KCNK10: variants seen among roughly 807,000 people sequenced by gnomAD.
The protein encoded by KCNK10 is potassium channel subfamily K member 10.
In KCNK10, 25 loss-of-function variants were observed where a neutral mutation model predicts 47.7. That is an observed-to-expected ratio of 0.52 (90% confidence interval 0.38 to 0.73). KCNK10 has a LOEUF of 0.73. Among genes scored for constraint, KCNK10 ranks in the 30% least tolerant of loss-of-function variants. The pLI is 0.00. For synonymous variants in KCNK10, 303 were observed against 285.6 expected, an observed-to-expected ratio of 1.06 and a Z score of -0.61; for missense variants, 563 against 714.5, an observed-to-expected ratio of 0.79 and a Z score of 2.42.
At chr14:88,230,834 A>G (rs1361359847) in intron 3 of KCNK10, among the ~76,000 whole-genome samples, 1 of 152,234 alleles carries the variant, frequency 6.6e-6, no homozygotes, top group Non-Finnish European at 1.5e-5. Context: ...CAGTCTTCTC[A>G]TAGATAAAAT....
At chr14:88,224,356 T>C (rs1030457403) in intron 4 of KCNK10, among the ~76,000 whole-genome samples, 2 of 152,198 alleles carry the variant, frequency 1.3e-5, no homozygotes, top group African/African-American at 2.4e-5. Flanking sequence ...AGCTGGCAAT[T>C]TGATCTCCAT....
intron 3 of KCNK10, among the ~76,000 whole-genome samples, chr14:88,228,927 G>A (rs1886071081): frequency 1.3e-5 from 2 of 152,092 alleles, no homozygotes. Context: ...TCAGGAACTT[G>A]GACAAAATCA....
At position 88,186,136 on chromosome 14, in the gene KCNK10, T is replaced by G. The variant is rs772008084; in HGVS notation, c.1031A>C (p.His344Pro). 6.3e-7 allele frequency: 1 copy of G among 1,591,428 alleles called. No individual in the cohort carries two copies. Among genetic ancestry groups the G allele is most frequent in the Non-Finnish European group, 8.6e-7 (1 of 1,168,578 alleles). Reference sequence around the variant, plus strand: ...GACATTGGCCTTCCACTCTGCCGCATGGGCCTTGATTTCACCCACCTGGCC... The same window carrying G: ...GACATTGGCCTTCCACTCTGCCGCAGGGGCCTTGATTTCACCCACCTGGCC... ...TKEEVGEIKA[H>P]AAEWKANVTA... Residue 344 changes from histidine to proline, a missense_variant, in exon 7 of 7, where the codon CAT (histidine) becomes CCT (proline). By Grantham distance (77) the His-to-Pro change is moderately conservative (BLOSUM62 -2). Coordinates refer to ENST00000319231, the MANE Select transcript of KCNK10 (RefSeq NM_138317.3). This position sits in a 1 kb window ranked among gnomAD's most constrained non-coding sequence, Gnocchi z 5.5.
At chr14:88,211,844 C>T (rs1326046406) in intron 4 of KCNK10, among the ~76,000 whole-genome samples, 2 of 147,984 alleles carry the variant, frequency 1.4e-5, no homozygotes, top group Middle Eastern at 3.6e-3. Context: ...TGCAGTGAGC[C>T]GAGATCGTGC....
intron 1 of KCNK10, among the ~76,000 whole-genome samples, chr14:88,318,383 G>A (rs1888472193): frequency 6.6e-6 from 1 of 152,204 alleles, no homozygotes; most frequent in East Asian, 1.9e-4. Context: ...TCATATGCTA[G>A]TAAAGGAGGC....
At chr14:88,229,876 ACTGCC>A (rs1234495861) in intron 3 of KCNK10, among the ~76,000 whole-genome samples, 14 of 152,166 alleles carry the variant, frequency 9.2e-5, no homozygotes, top group Admixed American at 2.0e-4. Flanking sequence ...CGCCTCTCTG[ACTGCC>A]CTGCTCATCC....
Position 88,227,502 on chromosome 14 carries a change from C to A in KCNK10, c.554G>T (p.Gly185Val). ...GGCATATAAAATACAAAAGATTTTG[C>A]CTCCTTCAGTGCTCGGAGCAATATT... ...YGNIAPSTEG[G>V]KIFCILYAIF... The change falls in exon 4 of 7, where the codon GGC becomes GTC. Residue 185 changes from glycine to valine, a missense_variant. Transcript: ENST00000319231. 1 of 1,612,198 alleles carries A rather than the reference C, an allele frequency of 6.2e-7. No individual in the cohort carries two copies. Among genetic ancestry groups the A allele is most frequent in the Non-Finnish European group, 8.5e-7 (1 of 1,179,354 alleles).
At chr14:88,204,702 A>G (rs963748431) in intron 4 of KCNK10, among the ~76,000 whole-genome samples, 1 of 151,948 alleles carries the variant, frequency 6.6e-6, no homozygotes, top group African/African-American at 2.4e-5. Flanking sequence ...ATACTGCTCC[A>G]TTTTATACTT....
Position 88,227,510 on chromosome 14 carries a change from A to G in KCNK10, c.546T>C (p.Thr182=), listed in dbSNP as rs1886025393. The G allele has an allele frequency of 1.2e-6, 2 of 1,611,298 alleles. No homozygotes were observed. Among genetic ancestry groups the G allele is most frequent in the Admixed American group, 1.7e-5 (1 of 59,476 alleles). Residue 182 remains threonine (T), a synonymous_variant, in exon 4 of 7, where the codon ACT becomes ACC. Coordinates refer to ENST00000319231, the MANE Select transcript of KCNK10 (RefSeq NM_138317.3). ...AAATACAAAAGATTTTGCCTCCTTC[A>G]GTGCTCGGAGCAATATTCCCATACC... ...TIGYGNIAPS[T]EGGKIFCILY...
intron 1 of KCNK10, among the ~76,000 whole-genome samples, chr14:88,290,078 C>G (rs771245080): frequency 2.0e-5 from 3 of 152,160 alleles, no homozygotes; most frequent in Non-Finnish European, 2.9e-5. Context: ...ATCCCTGGAA[C>G]CTGTGAGCAC....
intron 4 of KCNK10, among the ~76,000 whole-genome samples, chr14:88,215,388 C>G (rs1226022272): frequency 6.6e-6 from 1 of 152,106 alleles, no homozygotes; most frequent in East Asian, 1.9e-4. Flanking sequence ...CCTTATAAAA[C>G]CATCAGGTCT....
At chr14:88,241,381 G>A (rs956414412) in intron 2 of KCNK10, among the ~76,000 whole-genome samples, 4 of 152,228 alleles carry the variant, frequency 2.6e-5, no homozygotes, top group African/African-American at 9.6e-5. Flanking sequence ...CCACAGGGTT[G>A]TTGTGAGGAT....
At chr14:88,256,785 CT>C (rs1162842710) in intron 2 of KCNK10, among the ~76,000 whole-genome samples, 1 of 152,132 alleles carries the variant, frequency 6.6e-6, no homozygotes, top group Non-Finnish European at 1.5e-5. Flanking sequence ...TTTCTGGTTT[CT>C]TTTTTTCTTC....
intron 4 of KCNK10, among the ~76,000 whole-genome samples, chr14:88,219,605 T>C (rs1484929418): frequency 2.6e-5 from 4 of 152,242 alleles, no homozygotes; most frequent in South Asian, 2.1e-4. Flanking sequence ...TAGCAGTTAA[T>C]TGACATCTAT....
rs796086254 is a variant in KCNK10, at chr14:88,303,448, A to T, written c.52+19299T>A. ...AAGAATGTGAGGGGAGGAAGTAGTG[A>T]TGGTGACTTCAGACCACCCTTTCCA... is the stretch of plus-strand genomic sequence containing the variant. On this transcript the variant is annotated intron_variant, in intron 1 of 6. Transcript: ENST00000319231. Among the ~76,000 whole-genome samples, 12 of 152,244 alleles carry T rather than the reference A, an allele frequency of 7.9e-5. No individual in the cohort carries two copies. In the South Asian group the frequency reaches 2.5e-3, roughly 32 times the overall value.
intron 1 of KCNK10, among the ~76,000 whole-genome samples, chr14:88,263,974 C>T (rs1046480146): frequency 1.3e-5 from 2 of 152,178 alleles, no homozygotes; most frequent in African/African-American, 4.8e-5. Flanking sequence ...TAACCAACTA[C>T]TCTATCCAAG....
intron 1 of KCNK10, among the ~76,000 whole-genome samples, chr14:88,273,804 T>C (rs568138699): frequency 5.4e-4 from 83 of 152,340 alleles, no homozygotes; most frequent in Non-Finnish European, 1.0e-3. Context: ...ATATTCTGTC[T>C]CTTGCCCTAA....
upstream of KCNK10, among the ~76,000 whole-genome samples, chr14:88,325,888 G>T (rs143129829): frequency 2.0e-3 from 311 of 151,970 alleles, no homozygotes; most frequent in Admixed American, 3.5e-3. Context: ...GTTATTTGGG[G>T]CCCTGAGTAG....
chr14:88,301,492 G>A lies in KCNK10; in HGVS notation c.52+21255C>T, dbSNP rs1711591916. Among the ~76,000 whole-genome samples the A allele has an allele frequency of 2.0e-5, 3 of 151,960 alleles. No individual in the cohort carries two copies. The South Asian group carries it at 6.2e-4, about 32-fold the overall frequency. On this transcript the variant is annotated intron_variant, in intron 1 of 6. Coordinates refer to ENST00000319231, the MANE Select transcript of KCNK10 (RefSeq NM_138317.3). ...TAGAACTTTTTTTCAAAGAGTTAGA[G>A]GCATGATGCAGAGACTCCTAACAGT...
Sources: gnomAD v4.1 joint callset for allele counts (sites outside exome capture counted in the v4.1 genomes callset) on GRCh38, gnomAD v4.1.1 for gene constraint, Gnocchi (gnomAD v3.1) non-coding constraint, MANE v1.5 for transcripts, NCBI Gene and HGNC (gene_info 2026-07-23, HGNC 2026-07-21) for gene names.